IL16: variants seen among roughly 807,000 people sequenced by gnomAD.
The protein encoded by IL16 is pro-interleukin-16.
IL16 carries 67 observed loss-of-function variants against 110.1 expected under a neutral mutation model. The observed-to-expected ratio is 0.61, with a 90% CI of 0.50 to 0.75. The LOEUF (loss-of-function observed/expected upper bound fraction) is 0.75, where lower values mean the gene tolerates loss of function less well. Ranked by LOEUF, IL16 falls within the 30% of genes least tolerant of loss-of-function variation. The probability of loss-of-function intolerance (pLI) is 0.00; values close to 1 mark genes in which losing one functional copy is unlikely to be tolerated. For missense variants in IL16, 1,545 were observed against 1,655.0 expected, an observed-to-expected ratio of 0.93 and a Z score of 1.15; for synonymous variants, 689 against 662.9, an observed-to-expected ratio of 1.04 and a Z score of -0.61.
chr15:81,295,673 G>T (rs1899950039), intron 12 of IL16, among the ~76,000 whole-genome samples: 1 of 152,188 alleles, frequency 6.6e-6, no homozygotes, highest in Admixed American at 6.5e-5. Context: ...GAAATTGGTT[G>T]ATCTCTCAGT....
intron 4 of IL16, among the ~76,000 whole-genome samples, chr15:81,268,050 C>T (rs1898470021): frequency 6.6e-6 from 1 of 152,212 alleles, no homozygotes; most frequent in Non-Finnish European, 1.5e-5. Flanking sequence ...TAACAGCCCT[C>T]CAAAGGAGGA....
At chr15:81,253,147 G>A (rs1011143893) in intron 2 of IL16, among the ~76,000 whole-genome samples, 1 of 152,130 alleles carries the variant, frequency 6.6e-6, no homozygotes, top group Non-Finnish European at 1.5e-5. Flanking sequence ...GGTATAAAGT[G>A]GTTGTGATTA....
At chr15:81,263,997 A>G (rs926717333) in intron 3 of IL16, among the ~76,000 whole-genome samples, 22 of 152,230 alleles carry the variant, frequency 1.4e-4, no homozygotes, top group African/African-American at 5.3e-4. Flanking sequence ...ACAGGCTGAC[A>G]AACATACAGG....
At chr15:81,210,108 T>C (rs893634803) in intron 1 of IL16, among the ~76,000 whole-genome samples, 2 of 152,238 alleles carry the variant, frequency 1.3e-5, no homozygotes, top group African/African-American at 4.8e-5. Context: ...TCCAGAAACA[T>C]TTATTAAATA....
intron 4 of IL16, among the ~76,000 whole-genome samples, chr15:81,267,645 G>C (rs1011724283): frequency 3.3e-5 from 5 of 152,176 alleles, no homozygotes; most frequent in African/African-American, 9.6e-5. Context: ...AGAGTCTAAA[G>C]GCCTGAGAAC....
At chr15:81,250,029 C>T (rs753627389) in intron 2 of IL16, among the ~76,000 whole-genome samples, 1 of 152,010 alleles carries the variant, frequency 6.6e-6, no homozygotes, top group Non-Finnish European at 1.5e-5. Context: ...CTTATTTTCT[C>T]TCTTCTCAAA....
rs148074085 is a variant in IL16, at chr15:81,185,072, C to T, written c.40+2176C>T. On this transcript the variant is annotated intron_variant, in intron 1 of 18. Transcript: ENST00000302987. ...TGGGCCTGTGGGAAGCAGAGGGAGG[C>T]TCTGCATAGGGCTGGAGGGTGGGGC... Among the ~76,000 whole-genome samples the T allele has an allele frequency of 2.9e-3, 449 of 152,226 alleles. 2 individuals carry two copies. The highest frequency in any genetic ancestry group is 0.011 in the African/African-American group (439 of 41,520).
At chr15:81,267,479 G>GACACACACACACACAC (rs56259509) in intron 4 of IL16, among the ~76,000 whole-genome samples, 90 of 107,706 alleles carry the variant, frequency 8.4e-4, no homozygotes, top group African/African-American at 4.6e-3. Context: ...CACATACACA[G>GACACACACACACACAC]ACACACACAC....
intron 2 of IL16, among the ~76,000 whole-genome samples, chr15:81,257,471 A>C (rs1308166049): frequency 6.6e-6 from 1 of 152,212 alleles, no homozygotes; most frequent in Non-Finnish European, 1.5e-5. Context: ...TCTGGAACTC[A>C]TGAGAACTTT....
intron 10 of IL16, among the ~76,000 whole-genome samples, chr15:81,287,030 A>G (rs757611708): frequency 6.6e-6 from 1 of 152,168 alleles, no homozygotes; most frequent in Non-Finnish European, 1.5e-5. Context: ...TGACTCAATT[A>G]TCTCCCACCA....
At chr15:81,283,004 C>T (rs921282011) in intron 9 of IL16, among the ~76,000 whole-genome samples, 1 of 152,152 alleles carries the variant, frequency 6.6e-6, no homozygotes, top group Admixed American at 6.5e-5. Flanking sequence ...GGGAGTGAGG[C>T]TTTGCACCCC....
At chr15:81,229,811 G>T (rs1896910777) in intron 2 of IL16, among the ~76,000 whole-genome samples, 1 of 152,112 alleles carries the variant, frequency 6.6e-6, no homozygotes, top group Non-Finnish European at 1.5e-5. Flanking sequence ...ACCCAGGCGT[G>T]ACTCAGTTGG....
intron 10 of IL16, among the ~76,000 whole-genome samples, chr15:81,286,739 A>G (rs1197203150): frequency 6.6e-6 from 1 of 152,162 alleles, no homozygotes; most frequent in Non-Finnish European, 1.5e-5. Flanking sequence ...CAGCCATGAG[A>G]AGAGAAAAGA....
intron 11 of IL16, among the ~76,000 whole-genome samples, chr15:81,291,542 G>C (rs940651556): frequency 2.6e-5 from 4 of 152,074 alleles, no homozygotes; most frequent in Non-Finnish European, 4.4e-5. Flanking sequence ...TGGCTTTCTT[G>C]GTCTCTCAGA....
At chr15:81,187,124 G>A (rs1289652009) in intron 1 of IL16, among the ~76,000 whole-genome samples, 1 of 152,170 alleles carries the variant, frequency 6.6e-6, no homozygotes, top group Non-Finnish European at 1.5e-5. Flanking sequence ...ACTTACACTG[G>A]CGAACCTTCC....
At position 81,292,609 on chromosome 15, in the gene IL16, C is replaced by T. The variant is rs764346894; in HGVS notation, c.1474C>T (p.Arg492Ter). 4.2e-5 allele frequency: 67 copies of T among 1,606,856 alleles called. 1 individual carries two copies. The South Asian group carries it at 5.2e-4, about 12-fold the overall frequency. ...CGGGCGGCCCACCTTGGAGAAGGAA[C>T]GAGAGAAGAACTCAGCACCCCCGCA... ...WHGRPTLEKE[R>*]EKNSAPPHRR... The change falls in exon 12 of 19, where the codon CGA becomes TGA. Residue 492 changes from arginine to a stop codon, truncating the protein, a stop_gained. Transcript: ENST00000683961. LOFTEE classifies it high-confidence loss of function.
At chr15:81,233,311 T>G (rs1375667285) in intron 2 of IL16, among the ~76,000 whole-genome samples, 1 of 152,144 alleles carries the variant, frequency 6.6e-6, no homozygotes, top group Non-Finnish European at 1.5e-5. Flanking sequence ...ATATTGATTT[T>G]GATGCAAACC....
At chr15:81,223,029 C>T (rs1228781630) in intron 1 of IL16, among the ~76,000 whole-genome samples, 2 of 152,182 alleles carry the variant, frequency 1.3e-5, no homozygotes, top group East Asian at 1.9e-4. Context: ...GAGAAAACTA[C>T]TCTAAAAGCT....
At chr15:81,200,913 G>A (rs1895786476) in intron 1 of IL16, among the ~76,000 whole-genome samples, 1 of 152,156 alleles carries the variant, frequency 6.6e-6, no homozygotes, top group Non-Finnish European at 1.5e-5. Flanking sequence ...GAGCAATGGT[G>A]AGGGTTGGAG....
Sources: gnomAD v4.1 joint callset for allele counts (sites outside exome capture counted in the v4.1 genomes callset) on GRCh38, gnomAD v4.1.1 for gene constraint, MANE v1.5 for transcripts, NCBI Gene and HGNC (gene_info 2026-07-23, HGNC 2026-07-21) for gene names.